Variants in TIMELESS observed in about 807,000 individuals in gnomAD.
The protein encoded by TIMELESS is timeless circadian regulator, also known as protein timeless homolog.
TIMELESS carries 124 observed loss-of-function variants against 164.3 expected under a neutral mutation model. That is an observed-to-expected ratio of 0.75 (90% confidence interval 0.65 to 0.88). The LOEUF is 0.88. Among genes scored for constraint, TIMELESS ranks in the 40% least tolerant of loss-of-function variants. The pLI is 0.00. For synonymous variants in TIMELESS, 564 were observed against 563.4 expected (o/e 1.00, Z -0.02); for missense variants, 1,422 against 1,491.4 (o/e 0.95, Z 0.77).
At chr12:56,420,348 A>G (rs1019218316) in intron 26 of TIMELESS, among the ~76,000 whole-genome samples, 2 of 152,058 alleles carry the variant, frequency 1.3e-5, no homozygotes, top group African/African-American at 4.8e-5. Flanking sequence ...ATCTGGAGGC[A>G]GTCTGGAAGA....
intron 9 of TIMELESS, 47 bp downstream of exon 9, chr12:56,430,834 G>T: frequency 7.6e-7 from 1 of 1,307,406 alleles, no homozygotes; most frequent in Non-Finnish European, 1.1e-6. Context: ...CCCTGCTTAA[G>T]CTATGCAACT....
intron 13 of TIMELESS, among the ~76,000 whole-genome samples, chr12:56,426,946 T>C (rs1252669327): frequency 6.6e-6 from 1 of 152,122 alleles, no homozygotes; most frequent in Non-Finnish European, 1.5e-5. Context: ...GTTTTTTTTA[T>C]TTTAATGTGA....
intron 9 of TIMELESS, 23 bp from the exon 10 acceptor site, chr12:56,430,304 T>A: frequency 6.2e-7 from 1 of 1,603,658 alleles, no homozygotes; most frequent in Non-Finnish European, 8.5e-7. Flanking sequence ...GTTGGGGGAT[T>A]AGAATTACTC....
chr12:56,448,640 AATCGCTTGAACC>A (rs1440995857), intron 1 of TIMELESS, among the ~76,000 whole-genome samples: 1 of 151,170 alleles, frequency 6.6e-6, no homozygotes, highest in Admixed American at 6.6e-5. Flanking sequence ...GAGGCAAGAG[AATCGCTTGAACC>A]CGGGAGGCGG....
Position 56,427,910 on chromosome 12 carries a change from T to C in TIMELESS, c.1578+326A>G, listed in dbSNP as rs188793127. 4.1e-3 allele frequency among the ~76,000 whole-genome samples: 623 copies of C among 152,342 alleles called. 6 individuals are homozygous for C. Among genetic ancestry groups the C allele is most frequent in the Middle Eastern group, 0.017 (5 of 294 alleles). The stretch of plus-strand genomic sequence containing the variant: ...GGCTCTTTCCACCTCACCACAATGC[T>C]TTCAAGGTATAACCAGAAAATGCTA... On this transcript the variant is annotated intron_variant, in intron 13 of 28. Transcript: ENST00000553532.
intron 2 of TIMELESS, 29 bp from the exon 3 acceptor site, chr12:56,433,955 G>A: frequency 6.2e-7 from 1 of 1,612,930 alleles, no homozygotes; most frequent in South Asian, 1.1e-5. Flanking sequence ...ACATGCATGT[G>A]GAACCTTGGA....
chr12:56,418,386 G>A, intron 26 of TIMELESS, 27 bp from the exon 27 acceptor site: 1 of 1,529,268 alleles, frequency 6.5e-7, no homozygotes, highest in Non-Finnish European at 8.9e-7. Context: ...GTTGAAAAGG[G>A]AAAGGACCAG....
chr12:56,437,694 C>A (rs1479753332), intron 1 of TIMELESS, among the ~76,000 whole-genome samples: 1 of 152,046 alleles, frequency 6.6e-6, no homozygotes, highest in East Asian at 1.9e-4. Context: ...AAGCAAGGAC[C>A]CCATGGCCCG....
At position 56,433,348 on chromosome 12, in the gene TIMELESS, C is replaced by T. The variant is rs758434045; in HGVS notation, c.429+33G>A. Reference sequence around the variant, plus strand: ...CCCGGAGAAGGTGCAAAATGCTGTCCCATGGTATCCTGTAAGGTGAAGACT... The same window carrying T: ...CCCGGAGAAGGTGCAAAATGCTGTCTCATGGTATCCTGTAAGGTGAAGACT... On this transcript the variant is annotated intron_variant, in intron 5 of 28. Transcript: ENST00000553532. 1.9e-6 allele frequency: 3 copies of T among 1,612,538 alleles called. No homozygotes were observed. The Admixed American group carries it at 5.0e-5, about 27-fold the overall frequency.
chr12:56,444,147 C>T (rs892935319), intron 1 of TIMELESS, among the ~76,000 whole-genome samples: 13 of 152,142 alleles, frequency 8.5e-5, no homozygotes, highest in East Asian at 1.9e-4. Context: ...CCACCTGCCT[C>T]GGCCTCCCAA....
At chr12:56,418,030 C>T (rs758727187) in intron 27 of TIMELESS, 22 bp from the exon 28 acceptor site, 10 of 1,614,038 alleles carry the variant, frequency 6.2e-6, no homozygotes, top group South Asian at 1.1e-5. Context: ...ATAAATGACA[C>T]AAAATTAGGA....
At chr12:56,426,420 CTT>C (rs920505987) in intron 13 of TIMELESS, among the ~76,000 whole-genome samples, 4 of 142,402 alleles carry the variant, frequency 2.8e-5, no homozygotes, top group Non-Finnish European at 6.1e-5. Context: ...GAATTTCACT[CTT>C]GTTGCCCAGG....
In TIMELESS at chr12:56,420,836, G is replaced by A. The variant is rs775624962; in HGVS notation, c.3086C>T (p.Ala1029Val). The A allele has an allele frequency of 1.2e-6, 2 of 1,614,076 alleles. No homozygotes were observed. Among genetic ancestry groups the A allele is most frequent in the African/African-American group, 2.7e-5 (2 of 74,926 alleles). The change falls in exon 25 of 29, where the codon GCA (alanine) becomes GTA (valine). Residue 1029 changes from alanine to valine, a missense_variant. Coordinates refer to ENST00000553532, the MANE Select transcript of TIMELESS (RefSeq NM_003920.5). ...LLWLQNCLIR[A>V]ADDREEDGCS... ...ACCATCCTCTTCCCGATCATCAGCT[G>A]CTCGGATCAGGCAGTTCTGGAGCCA...
intron 1 of TIMELESS, among the ~76,000 whole-genome samples, chr12:56,448,951 C>T (rs572914673): frequency 6.6e-6 from 1 of 152,168 alleles, no homozygotes; most frequent in Admixed American, 6.5e-5. Context: ...GGCCACACAC[C>T]GGTTTTTTTC....
chr12:56,439,164 T>A (rs1400182093), intron 1 of TIMELESS, among the ~76,000 whole-genome samples: 1 of 23,744 alleles, frequency 4.2e-5, no homozygotes, highest in East Asian at 1.2e-3. Context: ...GAAAACTCCT[T>A]CTCAAAAAAA....
At chr12:56,421,574 G>C in intron 22 of TIMELESS, 81 bp from the exon 23 acceptor site, 4 of 1,551,346 alleles carry the variant, frequency 2.6e-6, no homozygotes, top group Non-Finnish European at 2.6e-6. Flanking sequence ...CTGGAAAGAG[G>C]GTACCTCAAT....
intron 1 of TIMELESS, 28 bp from the exon 2 acceptor site, chr12:56,434,259 G>C (rs971383558): frequency 1.9e-6 from 2 of 1,074,682 alleles, no homozygotes; most frequent in Non-Finnish European, 1.4e-6. Flanking sequence ...GATAAAAAAT[G>C]TAAGTTCCTC....
chr12:56,440,831 GT>G (rs138707994), intron 1 of TIMELESS, among the ~76,000 whole-genome samples: 6 of 152,028 alleles, frequency 3.9e-5, no homozygotes, highest in Non-Finnish European at 8.8e-5. Context: ...TTACAGTTTT[GT>G]TTTGAGACAG....
At chr12:56,418,572 CTTTTT>C (rs372018339) in intron 26 of TIMELESS, among the ~76,000 whole-genome samples, 2 of 126,794 alleles carry the variant, frequency 1.6e-5, no homozygotes, top group African/African-American at 5.8e-5. Flanking sequence ...TTTGGTTGTT[CTTTTT>C]TTTTTTTTTT....
Sources: allele counts gnomAD v4.1 joint callset (sites outside exome capture counted in the v4.1 genomes callset), GRCh38; gene constraint gnomAD v4.1.1; transcripts MANE v1.5; gene names NCBI Gene and HGNC (gene_info 2026-07-23, HGNC 2026-07-21).